HIPK2: variants seen among roughly 807,000 people sequenced by gnomAD.
HIPK2 encodes the protein homeodomain interacting protein kinase 2.
HIPK2 carries 27 observed loss-of-function variants against 113.7 expected under a neutral mutation model. The observed-to-expected ratio is 0.24, with a 90% CI of 0.17 to 0.33. HIPK2 has a LOEUF of 0.33. HIPK2 is among the 10% of genes least tolerant of loss of function. The probability of loss-of-function intolerance (pLI) is 1.00; values close to 1 mark genes in which losing one functional copy is unlikely to be tolerated. For missense variants in HIPK2, 1,257 were observed against 1,588.0 expected (o/e 0.79, Z 3.54); for synonymous variants, 631 against 642.2 (o/e 0.98, Z 0.26).
intron 13 of HIPK2, among the ~76,000 whole-genome samples, chr7:139,583,040 C>T (rs1435897559): frequency 6.6e-6 from 1 of 152,168 alleles, no homozygotes; most frequent in Admixed American, 6.5e-5. Context: ...GTTCCCTTTC[C>T]TTCCCTTTTC....
chr7:139,594,743 C>T (rs1181847936), intron 12 of HIPK2, among the ~76,000 whole-genome samples: 1 of 152,152 alleles, frequency 6.6e-6, no homozygotes, highest in African/African-American at 2.4e-5. Flanking sequence ...ATGTGTCCGG[C>T]ACATTTTCAC....
intron 2 of HIPK2, among the ~76,000 whole-genome samples, chr7:139,700,703 A>G (rs1794683434): frequency 1.3e-5 from 2 of 152,170 alleles, no homozygotes; most frequent in Non-Finnish European, 2.9e-5. Context: ...TCCATGTGGG[A>G]CTGAGTCTCG....
Position 139,572,932 on chromosome 7 carries a change from T to G in HIPK2, c.3592A>C (p.Ile1198Leu). The G allele has an allele frequency of 7.0e-7, 1 of 1,432,972 alleles. No individual in the cohort carries two copies. Among genetic ancestry groups the G allele is most frequent in the Non-Finnish European group, 9.4e-7 (1 of 1,064,940 alleles). The allele number at this position is 1,432,972 out of a possible 1,614,324, so 88.8% of individuals were successfully genotyped here. ...CCCTCCCTCCCCTCCAGTGTTTATA[T>G]GTAAGGGTACTGGTTGACCTTGGCG... is the stretch of plus-strand genomic sequence containing the variant. ...SPAKVNQYPYI is the reference protein window; with the variant it reads ...SPAKVNQYPYL The change falls in exon 15 of 15, where the codon ATA becomes CTA. Residue 1198 changes from isoleucine to leucine, a missense_variant. By Grantham distance (5) the Ile-to-Leu change is conservative. Coordinates refer to ENST00000406875, the MANE Select transcript of HIPK2 (RefSeq NM_022740.5).
intron 2 of HIPK2, among the ~76,000 whole-genome samples, chr7:139,654,262 A>G (rs771185676): frequency 6.6e-5 from 10 of 152,192 alleles, no homozygotes; most frequent in Non-Finnish European, 1.5e-4. Context: ...CTGTAATCCC[A>G]GCATTTTGGG....
Position 139,716,102 on chromosome 7 carries a change from G to A in HIPK2, c.933C>T (p.Ala311=). The A allele has an allele frequency of 6.2e-7, 1 of 1,614,094 alleles. No homozygotes were observed. The highest frequency in any genetic ancestry group is 8.5e-7 in the Non-Finnish European group (1 of 1,179,976). The change falls in exon 2 of 15, where the codon GCC becomes GCT. Residue 311 remains alanine (A), a synonymous_variant. Coordinates refer to ENST00000406875, the MANE Select transcript of HIPK2 (RefSeq NM_022740.5). This position sits in a 1 kb window ranked among gnomAD's most constrained non-coding sequence, Gnocchi z 9.3. ...GACCTAGGCTTTTGAGTTTCATCAGGGCTGTGGCTACCTGCTGGAGAACTG... is the reference window on the plus strand; with the variant it reads ...GACCTAGGCTTTTGAGTTTCATCAGAGCTGTGGCTACCTGCTGGAGAACTG... ...IRPVLQQVAT[A]LMKLKSLGLI... is the part of the protein sequence containing the mutation.
At chr7:139,597,646 T>A (rs1173398709) in intron 11 of HIPK2, among the ~76,000 whole-genome samples, 6 of 152,362 alleles carry the variant, frequency 3.9e-5, no homozygotes, top group African/African-American at 1.4e-4. Flanking sequence ...TTTCTGGATT[T>A]TGCCTCGTGG....
chr7:139,734,149 GACA>G (rs1411796036), intron 1 of HIPK2, among the ~76,000 whole-genome samples: 1 of 152,182 alleles, frequency 6.6e-6, no homozygotes, highest in Non-Finnish European at 1.5e-5. Flanking sequence ...CGTTTTTAAA[GACA>G]ACGTTAAAAT....
chr7:139,730,624 G>C (rs1795747927), intron 1 of HIPK2, among the ~76,000 whole-genome samples: 1 of 152,178 alleles, frequency 6.6e-6, no homozygotes, highest in Non-Finnish European at 1.5e-5. Flanking sequence ...GCTTCCCAAA[G>C]TGCTAGGATT....
At chr7:139,581,761 G>A (rs545698422) in intron 13 of HIPK2, among the ~76,000 whole-genome samples, 45 of 152,322 alleles carry the variant, frequency 3.0e-4, no homozygotes, top group African/African-American at 1.1e-3. Context: ...GTGTGTATCG[G>A]TATTGAACGC....
chr7:139,626,713 G>C lies in HIPK2; in HGVS notation c.1507C>G (p.Leu503Val). 1 of 1,613,922 alleles carries C rather than the reference G, an allele frequency of 6.2e-7. No individual in the cohort carries two copies. Among genetic ancestry groups the C allele is most frequent in the Non-Finnish European group, 8.5e-7 (1 of 1,179,892 alleles). Residue 503 changes from leucine to valine, a missense_variant, in exon 6 of 15, where the codon CTG becomes GTG. Physicochemically the swap from Leu to Val is conservative, Grantham distance 32. This residue lies in a region of HIPK2 where 862 missense variants were observed against 1,004.3 expected (regional missense o/e 0.86). Coordinates refer to ENST00000406875, the MANE Select transcript of HIPK2 (RefSeq NM_022740.5). Reference protein sequence around the residue: ...EKADRREFIDLLKKMLTIDAD... With the variant: ...EKADRREFIDVLKKMLTIDAD... Reference sequence around the variant, plus strand: ...TCAATGGTCAGCATCTTCTTCAACAGGTCAATGAACTCCCGCCGGTCAGCC... The same window carrying C: ...TCAATGGTCAGCATCTTCTTCAACACGTCAATGAACTCCCGCCGGTCAGCC...
In HIPK2 at chr7:139,697,859, T is replaced by C. The variant is rs968402411; in HGVS notation, c.1103+18073A>G. On this transcript the variant is annotated intron_variant, in intron 2 of 14. Coordinates refer to ENST00000406875, the MANE Select transcript of HIPK2 (RefSeq NM_022740.5). The stretch of plus-strand genomic sequence containing the variant: ...GCCACCAATATGCATTCTGTCTTAA[T>C]GGAATTTTTTTTTTTTTTTTTTTTT... Among the ~76,000 whole-genome samples the C allele has an allele frequency of 2.0e-5, 3 of 151,112 alleles. No individual in the cohort carries two copies. The South Asian group carries it at 6.3e-4, about 31-fold the overall frequency.
intron 1 of HIPK2, among the ~76,000 whole-genome samples, chr7:139,748,372 A>T (rs1263539954): frequency 6.6e-6 from 1 of 151,976 alleles, no homozygotes; most frequent in East Asian, 1.9e-4. Flanking sequence ...ATAACACAGC[A>T]CCACAAGCTG....
rs1369335777 is a variant in HIPK2, at chr7:139,714,770, T to C, written c.1103+1162A>G. ...CTTGTGACCTCTATCTCCACTGCAC[T>C]GTTCGGCACCACCCCAAACACACCC... On this transcript the variant is annotated intron_variant, in intron 2 of 14. Coordinates refer to ENST00000406875, the MANE Select transcript of HIPK2 (RefSeq NM_022740.5). The surrounding 1 kb of genome is among the most constrained non-coding windows in gnomAD (Gnocchi z 4.2). Among the ~76,000 whole-genome samples, 1 of 152,204 alleles carries C rather than the reference T, an allele frequency of 6.6e-6. No homozygotes were observed. The highest frequency in any genetic ancestry group is 1.5e-5 in the Non-Finnish European group (1 of 68,026).
At chr7:139,718,281 C>T (rs997307502) in intron 1 of HIPK2, among the ~76,000 whole-genome samples, 1 of 152,212 alleles carries the variant, frequency 6.6e-6, no homozygotes, top group African/African-American at 2.4e-5. Context: ...CACAGAAGCA[C>T]AAGGAAGTGC....
intron 2 of HIPK2, among the ~76,000 whole-genome samples, chr7:139,684,178 A>C (rs1353005708): frequency 6.6e-6 from 1 of 152,156 alleles, no homozygotes; most frequent in African/African-American, 2.4e-5. Flanking sequence ...TGTGCCATGA[A>C]TTGCACCCAT....
At chr7:139,648,440 G>A (rs949455727) in intron 2 of HIPK2, among the ~76,000 whole-genome samples, 4 of 152,164 alleles carry the variant, frequency 2.6e-5, no homozygotes, top group Admixed American at 1.3e-4. Context: ...AATCACTAGC[G>A]GCAGAGAGAA....
intron 2 of HIPK2, among the ~76,000 whole-genome samples, chr7:139,643,322 T>C (rs184805846): frequency 4.9e-4 from 75 of 152,204 alleles, no homozygotes; most frequent in Middle Eastern, 6.8e-3. Context: ...TAGAATCAGA[T>C]TGGCGGTTTT....
At chr7:139,576,445 G>A (rs1385017766) in intron 13 of HIPK2, among the ~76,000 whole-genome samples, 1 of 152,166 alleles carries the variant, frequency 6.6e-6, no homozygotes, top group Non-Finnish European at 1.5e-5. Context: ...GCTGCTTGGG[G>A]GACCACGCTC....
chr7:139,708,437 C>T (rs543088629), intron 2 of HIPK2, among the ~76,000 whole-genome samples: 20 of 152,264 alleles, frequency 1.3e-4, no homozygotes, highest in African/African-American at 4.1e-4. Context: ...CCCCCCACCC[C>T]CAGAGGGCCT....
Sources: allele counts gnomAD v4.1 joint callset (sites outside exome capture counted in the v4.1 genomes callset), GRCh38; gene constraint gnomAD v4.1.1; regional missense constraint gnomAD v4.1.1; non-coding constraint Gnocchi (gnomAD v3.1); transcripts MANE v1.5; gene names NCBI Gene and HGNC (gene_info 2026-07-23, HGNC 2026-07-21).